The following ADAMTSL1 variants were observed in gnomAD, a reference collection of about 807,000 sequenced individuals.
The protein encoded by ADAMTSL1 is ADAMTS-like protein 1.
In ADAMTSL1, 126 loss-of-function variants were observed where a neutral mutation model predicts 201.8. The observed-to-expected ratio is 0.62, with a 90% CI of 0.54 to 0.72. The LOEUF (loss-of-function observed/expected upper bound fraction) is 0.72. Ranked by LOEUF, ADAMTSL1 falls within the 30% of genes least tolerant of loss-of-function variation. ADAMTSL1 has a pLI of 0.00. For synonymous variants in ADAMTSL1, 1,121 were observed against 903.4 expected, an observed-to-expected ratio of 1.24 and a Z score of -4.32; for missense variants, 2,679 against 2,277.8, an observed-to-expected ratio of 1.18 and a Z score of -3.59.
intron 2 of ADAMTSL1, among the ~76,000 whole-genome samples, chr9:18,295,531 A>G (rs1833444002): frequency 6.6e-6 from 1 of 151,876 alleles, no homozygotes; most frequent in Non-Finnish European, 1.5e-5. Flanking sequence ...GTAGAGATGG[A>G]GTTTCACCAT....
chr9:18,754,179 G>A (rs1819617194), intron 16 of ADAMTSL1, among the ~76,000 whole-genome samples: 1 of 152,172 alleles, frequency 6.6e-6, no homozygotes, highest in Non-Finnish European at 1.5e-5. Flanking sequence ...GCGTGGTTGT[G>A]ATAGTGAACA....
chr9:18,014,672 T>C (rs1041936281), intron 1 of ADAMTSL1, among the ~76,000 whole-genome samples: 1 of 151,838 alleles, frequency 6.6e-6, no homozygotes, highest in Non-Finnish European at 1.5e-5. Context: ...GCAAAGTTGT[T>C]AATGCTGAAG....
intron 2 of ADAMTSL1, among the ~76,000 whole-genome samples, chr9:18,205,757 A>C (rs1456437292): frequency 6.6e-6 from 1 of 152,124 alleles, no homozygotes; most frequent in African/African-American, 2.4e-5. Flanking sequence ...AGGCTTCTTC[A>C]TAAAAGCCAC....
intron 1 of ADAMTSL1, among the ~76,000 whole-genome samples, chr9:18,141,801 G>C (rs977443898): frequency 6.6e-6 from 1 of 152,142 alleles, no homozygotes; most frequent in African/African-American, 2.4e-5. Flanking sequence ...TTCACCAACA[G>C]GCGTTACTGA....
chr9:18,788,101 A>G (rs373140914), intron 19 of ADAMTSL1, among the ~76,000 whole-genome samples: 8 of 152,324 alleles, frequency 5.3e-5, no homozygotes, highest in Admixed American at 2.6e-4. Context: ...AATTACATTA[A>G]AAACAGCAAA....
chr9:18,366,888 A>G (rs773987099), intron 2 of ADAMTSL1, among the ~76,000 whole-genome samples: 2 of 152,122 alleles, frequency 1.3e-5, no homozygotes, highest in African/African-American at 2.4e-5. Flanking sequence ...GAGTACTGGC[A>G]TGAGCCGCCA....
chr9:18,577,011 G>A (rs911726892), intron 4 of ADAMTSL1, among the ~76,000 whole-genome samples: 4 of 151,964 alleles, frequency 2.6e-5, no homozygotes, highest in African/African-American at 9.7e-5. Context: ...TTTGGTAATG[G>A]TCCCCAGATT....
chr9:18,001,100 A>G (rs576200472), intron 1 of ADAMTSL1, among the ~76,000 whole-genome samples: 2 of 152,130 alleles, frequency 1.3e-5, no homozygotes, highest in Admixed American at 6.6e-5. Flanking sequence ...AAAACCAGTA[A>G]CTTGTCACTG....
At chr9:18,402,806 C>G (rs1818033982) in intron 2 of ADAMTSL1, among the ~76,000 whole-genome samples, 1 of 152,160 alleles carries the variant, frequency 6.6e-6, no homozygotes, top group East Asian at 1.9e-4. Context: ...TTAGGGACTT[C>G]TAGCATATAC....
chr9:18,910,578 A>C lies in ADAMTSL1; in HGVS notation c.*2030A>C, dbSNP rs946350406. 6.6e-6 allele frequency: 1 copy of C among 152,252 alleles called. No homozygotes were observed. Among genetic ancestry groups the C allele is most frequent in the African/African-American group, 2.4e-5 (1 of 41,460 alleles). The allele number at this position is 152,252 out of a possible 1,614,324, so 9.4% of individuals were successfully genotyped here. On this transcript the variant is annotated 3_prime_UTR_variant, in exon 29 of 29. Transcript: ENST00000380548. ...GGAATTCATTTGTGGCATAATAGTT[A>C]TGCATGGAATGATAAAGACAGACAA... is the stretch of plus-strand genomic sequence containing the variant.
chr9:18,843,256 C>T (rs1825852294), intron 23 of ADAMTSL1, among the ~76,000 whole-genome samples: 1 of 150,704 alleles, frequency 6.6e-6, no homozygotes, highest in Non-Finnish European at 1.5e-5. Flanking sequence ...TCAGCATTTG[C>T]TTGTCTGTAA....
At chr9:18,318,489 A>G (rs1834493610) in intron 2 of ADAMTSL1, among the ~76,000 whole-genome samples, 1 of 152,202 alleles carries the variant, frequency 6.6e-6, no homozygotes, top group Non-Finnish European at 1.5e-5. Context: ...GAAAATCTGG[A>G]TAGACACTGA....
intron 2 of ADAMTSL1, among the ~76,000 whole-genome samples, chr9:18,256,594 G>A (rs1831697752): frequency 6.6e-6 from 1 of 152,234 alleles, no homozygotes; most frequent in Admixed American, 6.5e-5. Flanking sequence ...CATCAAAGGA[G>A]TTAACAGCCC....
chr9:18,044,387 A>G (rs1411485484), intron 1 of ADAMTSL1, among the ~76,000 whole-genome samples: 1 of 152,114 alleles, frequency 6.6e-6, no homozygotes, highest in East Asian at 1.9e-4. Context: ...CCTTTGTGAA[A>G]CTATGAGTGG....
At chr9:18,126,530 C>T (rs904940809) in intron 1 of ADAMTSL1, among the ~76,000 whole-genome samples, 7 of 152,184 alleles carry the variant, frequency 4.6e-5, no homozygotes, top group Non-Finnish European at 8.8e-5. Flanking sequence ...GTTGCATGCA[C>T]CACACGTGGC....
chr9:18,847,679 C>T (rs767172648), intron 23 of ADAMTSL1, among the ~76,000 whole-genome samples: 16 of 152,110 alleles, frequency 1.1e-4, no homozygotes, highest in Non-Finnish European at 1.8e-4. Context: ...GAAGAGCATC[C>T]CAGGCACAGG....
At chr9:17,926,115 G>C (rs1478352141) in intron 1 of ADAMTSL1, among the ~76,000 whole-genome samples, 2 of 152,086 alleles carry the variant, frequency 1.3e-5, no homozygotes, top group African/African-American at 4.8e-5. Flanking sequence ...CATATGGAAA[G>C]GAAAGAAGTT....
chr9:18,858,495 A>G (rs936009649), intron 23 of ADAMTSL1, among the ~76,000 whole-genome samples: 8 of 152,214 alleles, frequency 5.3e-5, no homozygotes, highest in African/African-American at 1.9e-4. Flanking sequence ...CGACTGAACC[A>G]TTTAAGAAAA....
chr9:18,532,611 A>G (rs1368580603), intron 2 of ADAMTSL1, among the ~76,000 whole-genome samples: 1 of 152,030 alleles, frequency 6.6e-6, no homozygotes, highest in Non-Finnish European at 1.5e-5. Context: ...CAGGCTACAA[A>G]ATTGCGTAAG....
Sources: gnomAD v4.1 joint callset for allele counts (sites outside exome capture counted in the v4.1 genomes callset) on GRCh38, gnomAD v4.1.1 for gene constraint, MANE v1.5 for transcripts, NCBI Gene and HGNC (gene_info 2026-07-23, HGNC 2026-07-21) for gene names.